Variants in CENPA observed in about 807,000 individuals in gnomAD.
CENPA encodes the protein centromere protein A, also known as histone H3-like centromeric protein A.
In CENPA, 7 loss-of-function variants were observed where a neutral mutation model predicts 17.2. The ratio of observed to expected loss-of-function variants is 0.41; its 90% confidence interval spans 0.23 to 0.76. The LOEUF is 0.76. Ranked by LOEUF, CENPA falls within the 30% of genes least tolerant of loss-of-function variation. The probability of loss-of-function intolerance (pLI) is 0.34; values close to 1 mark genes in which losing one functional copy is unlikely to be tolerated. For missense variants in CENPA, 149 were observed against 193.1 expected, an observed-to-expected ratio of 0.77 and a Z score of 1.35; for synonymous variants, 82 against 77.4, an observed-to-expected ratio of 1.06 and a Z score of -0.31.
chr2:26,787,278 C>G (rs796074388), intron 1 of CENPA, among the ~76,000 whole-genome samples: 3 of 152,120 alleles, frequency 2.0e-5, no homozygotes, highest in African/African-American at 4.8e-5. Flanking sequence ...TGCAGTGGCG[C>G]GATCTCCGCT....
intron 1 of CENPA, 55 bp downstream of exon 1, chr2:26,786,351 G>C (rs1664508464): frequency 7.8e-7 from 1 of 1,287,462 alleles, no homozygotes; most frequent in African/African-American, 1.5e-5. Flanking sequence ...CGCAGGCGGA[G>C]CCCGGATCTC....
At chr2:26,793,499 G>C (rs1043788994) in intron 4 of CENPA, among the ~76,000 whole-genome samples, 173 bp downstream of exon 4, 1 of 152,154 alleles carries the variant, frequency 6.6e-6, no homozygotes, top group Non-Finnish European at 1.5e-5. Flanking sequence ...TTAGATAAAA[G>C]ATATCTTTCT....
chr2:26,792,863 AG>A (rs200032237), intron 3 of CENPA, 30 bp downstream of exon 3: 16,530 of 1,598,374 alleles, frequency 0.01, 130 homozygotes, highest in Non-Finnish European at 0.013. Context: ...CAATTGGGTG[AG>A]GGCTGAGTGG....
intron 3 of CENPA, 147 bp from the exon 4 acceptor site, chr2:26,792,998 C>A: frequency 7.8e-7 from 1 of 1,288,564 alleles, no homozygotes; most frequent in Non-Finnish European, 1.1e-6. Flanking sequence ...GTGGTGATAG[C>A]AGAATTCCCT....
rs1451988414 is a variant in CENPA, at chr2:26,794,238, A to G, written c.*474A>G. 1.3e-5 allele frequency: 2 copies of G among 152,260 alleles called. No individual in the cohort carries two copies. Among genetic ancestry groups the G allele is most frequent in the Non-Finnish European group, 2.9e-5 (2 of 68,044 alleles). 9.4% of individuals were successfully genotyped at this position (152,260 alleles called of 1,614,324 possible). A position where few individuals can be genotyped will look rare whatever the true frequency, so the allele number is the denominator to read the frequency against. The stretch of plus-strand genomic sequence containing the variant: ...AGACCACTTTGAGCAGTTGCCTGGA[A>G]GGCTGGGCATTTCCATCATATAGAC... On this transcript the variant is annotated 3_prime_UTR_variant, in exon 5 of 5. Coordinates refer to ENST00000335756, the MANE Select transcript of CENPA (RefSeq NM_001809.4).
chr2:26,787,534 G>T (rs964196908), intron 1 of CENPA, among the ~76,000 whole-genome samples: 3 of 148,096 alleles, frequency 2.0e-5, no homozygotes, highest in African/African-American at 7.4e-5. Context: ...GTTTTTTGTT[G>T]TTTTTTTTTT....
At chr2:26,791,927 CTATA>C (rs762695876) in intron 1 of CENPA, among the ~76,000 whole-genome samples, 200 bp from the exon 2 acceptor site, 6 of 152,202 alleles carry the variant, frequency 3.9e-5, no homozygotes, top group Non-Finnish European at 5.9e-5. Context: ...AGCAAAATTA[CTATA>C]TATCAGGTTG....
intron 1 of CENPA, among the ~76,000 whole-genome samples, chr2:26,789,681 C>T (rs890245468): frequency 3.3e-5 from 5 of 152,158 alleles, no homozygotes; most frequent in Non-Finnish European, 5.9e-5. Context: ...CAACTACCCA[C>T]CCAGTTGTTC....
intron 2 of CENPA, 45 bp from the exon 3 acceptor site, chr2:26,792,711 T>C (rs920313922): frequency 6.8e-7 from 1 of 1,471,452 alleles, no homozygotes; most frequent in African/African-American, 1.4e-5. Context: ...ATCTCTCTTC[T>C]GTTACTCCCT....
chr2:26,792,118 T>G lies in CENPA; in HGVS notation c.101-13T>G, dbSNP rs1334669645. 2 of 1,612,120 alleles carry G rather than the reference T, an allele frequency of 1.2e-6. No individual in the cohort carries two copies. The highest frequency in any genetic ancestry group is 2.7e-5 in the African/African-American group (2 of 74,874). Reference sequence around the variant, plus strand: ...CACCTATTTTCCACTGAACTTACCTTTCTTTTGCTCAGGCGCTTCCTCCCA... The same window carrying G: ...CACCTATTTTCCACTGAACTTACCTGTCTTTTGCTCAGGCGCTTCCTCCCA... On this transcript the variant is annotated splice_polypyrimidine_tract_variant and intron_variant, in intron 1 of 4. Coordinates refer to ENST00000335756, the MANE Select transcript of CENPA (RefSeq NM_001809.4).
intron 2 of CENPA, chr2:26,792,534 ATCACCCAATTAC>A (rs1243396449): frequency 4.2e-6 from 3 of 714,606 alleles, no homozygotes; most frequent in Non-Finnish European, 7.8e-6. Context: ...ATTGCCTCTC[ATCACCCAATTAC>A]TGGTGATTTC....
chr2:26,786,207 G>T lies in CENPA; in HGVS notation c.11G>T (p.Arg4Leu). MGP[R>L]RRSRKPEAPR... ...CCTCTGCGGCGTGTCATGGGCCCGC[G>T]CCGCCGGAGCCGAAAGCCCGAGGCC... Residue 4 changes from arginine (R) to leucine (L), a missense_variant, in exon 1 of 5, where the codon CGC (arginine) becomes CTC (leucine). Around this residue, in one of 2 missense-constraint regions of CENPA, gnomAD observed 95 missense variants for 87.5 expected, o/e 1.09. Transcript: ENST00000335756. 6.9e-7 allele frequency: 1 copy of T among 1,441,052 alleles called. No individual in the cohort carries two copies. The highest frequency in any genetic ancestry group is 1.4e-5 in the South Asian group (1 of 73,248). 89.3% of individuals were successfully genotyped at this position (1,441,052 alleles called of 1,614,324 possible).
intron 1 of CENPA, among the ~76,000 whole-genome samples, chr2:26,789,649 T>A (rs1039409557): frequency 1.3e-5 from 2 of 152,080 alleles, no homozygotes; most frequent in Non-Finnish European, 2.9e-5. Flanking sequence ...CATCCTCAGC[T>A]TCCCCATTTC....
intron 1 of CENPA, 129 bp from the exon 2 acceptor site, chr2:26,792,002 C>G: frequency 1.3e-6 from 1 of 792,938 alleles, no homozygotes; most frequent in South Asian, 1.6e-5. Flanking sequence ...CCTAATAAAA[C>G]AGACAAAAAT....
intron 1 of CENPA, among the ~76,000 whole-genome samples, chr2:26,787,155 C>T (rs1250379391): frequency 6.6e-6 from 1 of 152,248 alleles, no homozygotes; most frequent in Non-Finnish European, 1.5e-5. Flanking sequence ...ATCCTCCTGC[C>T]TGGGCCTCCC....
At chr2:26,789,320 G>A (rs573343250) in intron 1 of CENPA, among the ~76,000 whole-genome samples, 69 of 152,154 alleles carry the variant, frequency 4.5e-4, no homozygotes, top group Admixed American at 2.0e-3. Context: ...GAAGCGTTCT[G>A]TTCCCTTGGC....
At chr2:26,793,106 C>A in intron 3 of CENPA, 39 bp from the exon 4 acceptor site, 2 of 1,611,778 alleles carry the variant, frequency 1.2e-6, no homozygotes, top group South Asian at 2.2e-5. Flanking sequence ...AGCCCGTGGC[C>A]CTTCATCTGT....
Position 26,793,794 on chromosome 2 carries a change from G to A in CENPA, c.*48-18G>A, listed in dbSNP as rs530266493. The A allele has an allele frequency of 6.5e-6, 1 of 153,158 alleles. No individual in the cohort carries two copies. The highest frequency in any genetic ancestry group is 2.1e-4 in the South Asian group (1 of 4,854). The allele number at this position is 153,158 out of a possible 1,614,324, so 9.5% of individuals were successfully genotyped here. A position where few individuals can be genotyped will look rare whatever the true frequency, so the allele number is the denominator to read the frequency against. The stretch of plus-strand genomic sequence containing the variant: ...TTTTGAAAATGGCTTGTTAGTAAGT[G>A]TGCTTCCTTAATTTCAGGGATGATA... On this transcript the variant is annotated intron_variant, in intron 4 of 4. Transcript: ENST00000335756.
intron 1 of CENPA, among the ~76,000 whole-genome samples, chr2:26,791,595 C>T (rs1467017469): frequency 1.3e-5 from 2 of 152,202 alleles, no homozygotes; most frequent in Non-Finnish European, 2.9e-5. Flanking sequence ...ACCATCTTCA[C>T]CTCGCTGGGC....
Sources: gnomAD v4.1 joint callset for allele counts (sites outside exome capture counted in the v4.1 genomes callset) on GRCh38, gnomAD v4.1.1 for gene constraint, gnomAD v4.1.1 regional missense constraint, MANE v1.5 for transcripts, NCBI Gene and HGNC (gene_info 2026-07-23, HGNC 2026-07-21) for gene names.